The following PRR16 variants were observed in gnomAD, a reference collection of about 807,000 sequenced individuals.
The protein encoded by PRR16 is protein Largen.
A neutral mutation model predicts 18.2 loss-of-function variants in PRR16; 6 were observed. The observed-to-expected ratio is 0.33, with a 90% confidence interval of 0.18 to 0.65. The LOEUF (loss-of-function observed/expected upper bound fraction) is 0.65. Ranked by LOEUF, PRR16 falls within the 30% of genes least tolerant of loss-of-function variation. The pLI is 0.74. For missense variants in PRR16, 412 were observed against 376.6 expected (o/e 1.09, Z -0.78); for synonymous variants, 151 against 147.8 (o/e 1.02, Z -0.16).
At chr5:120,663,615 C>T (rs1284212609) in intron 1 of PRR16, among the ~76,000 whole-genome samples, 1 of 152,126 alleles carries the variant, frequency 6.6e-6, no homozygotes, top group African/African-American at 2.4e-5. Flanking sequence ...TACTTTAGCT[C>T]AAGCTAAAAC....
intron 1 of PRR16, among the ~76,000 whole-genome samples, chr5:120,543,657 A>C (rs1751985283): frequency 1.3e-5 from 2 of 152,212 alleles, no homozygotes; most frequent in African/African-American, 4.8e-5. Context: ...AGAAATGTCC[A>C]TATTACTGAT....
intron 1 of PRR16, among the ~76,000 whole-genome samples, chr5:120,475,783 A>G (rs1006347728): frequency 4.6e-5 from 7 of 152,138 alleles, no homozygotes; most frequent in African/African-American, 2.4e-5. Context: ...ATTGCCTACT[A>G]TATGCAGGGT....
chr5:120,787,601 C>T, the PRR16 span, among the ~76,000 whole-genome samples: 5,816 of 152,148 alleles, frequency 0.038, 154 homozygotes, highest in South Asian at 0.075. Context: ...TTGCTCTTAT[C>T]TTGAATGCAT....
intron 1 of PRR16, among the ~76,000 whole-genome samples, chr5:120,522,751 G>A (rs576411436): frequency 3.3e-5 from 5 of 152,020 alleles, no homozygotes; most frequent in African/African-American, 9.6e-5. Flanking sequence ...GACTACAGGC[G>A]CCCGCCACCA....
intron 1 of PRR16, among the ~76,000 whole-genome samples, chr5:120,682,131 T>G (rs967508633): frequency 6.6e-6 from 1 of 152,220 alleles, no homozygotes; most frequent in African/African-American, 2.4e-5. Flanking sequence ...CACAGTGCCC[T>G]TGAGCCAAAA....
At chr5:120,729,951 A>C in the PRR16 span, among the ~76,000 whole-genome samples, 1 of 152,146 alleles carries the variant, frequency 6.6e-6, no homozygotes. Flanking sequence ...GTCTCCTCAC[A>C]GTACCTCAAA....
intron 1 of PRR16, among the ~76,000 whole-genome samples, chr5:120,609,800 T>G (rs992626293): frequency 6.6e-6 from 1 of 152,230 alleles, no homozygotes; most frequent in African/African-American, 2.4e-5. Context: ...TTCTCTGGAC[T>G]GTTTCTGGAA....
At chr5:120,606,469 A>C (rs1332866379) in intron 1 of PRR16, among the ~76,000 whole-genome samples, 2 of 152,162 alleles carry the variant, frequency 1.3e-5, no homozygotes, top group Non-Finnish European at 1.5e-5. Flanking sequence ...TATTTCTTTG[A>C]AAATGAAAAT....
At chr5:120,687,962 G>C (rs1757167047), downstream of PRR16, among the ~76,000 whole-genome samples, 1 of 152,160 alleles carries the variant, frequency 6.6e-6, no homozygotes, top group Non-Finnish European at 1.5e-5. Flanking sequence ...GTTATGATGA[G>C]GACAGGTTCC....
At chr5:120,740,382 A>G in the PRR16 span, among the ~76,000 whole-genome samples, 2 of 147,512 alleles carry the variant, frequency 1.4e-5, no homozygotes, top group African/African-American at 5.3e-5. Flanking sequence ...TGGCTAAAAA[A>G]GACTACTTCC....
chr5:120,608,513 A>G (rs1161832859), intron 1 of PRR16, among the ~76,000 whole-genome samples: 3 of 152,198 alleles, frequency 2.0e-5, no homozygotes, highest in African/African-American at 7.2e-5. Flanking sequence ...TGTTCACAAG[A>G]TGATTACTTG....
the PRR16 span, among the ~76,000 whole-genome samples, chr5:120,773,158 A>G: frequency 6.6e-6 from 1 of 152,124 alleles, no homozygotes; most frequent in Non-Finnish European, 1.5e-5. Context: ...TAAGACTCTT[A>G]CCCAGTGTCA....
chr5:120,615,008 T>G (rs1026671586), intron 1 of PRR16, among the ~76,000 whole-genome samples: 1 of 152,148 alleles, frequency 6.6e-6, no homozygotes, highest in Non-Finnish European at 1.5e-5. Flanking sequence ...CAGTAAAGAT[T>G]CTGACATGCA....
the PRR16 span, among the ~76,000 whole-genome samples, chr5:120,759,052 C>A: frequency 6.9e-6 from 1 of 145,720 alleles, no homozygotes; most frequent in African/African-American, 2.5e-5. Context: ...TCTCAGCTCA[C>A]TGCAAGCTCT....
the PRR16 span, among the ~76,000 whole-genome samples, chr5:120,770,257 A>C: frequency 6.6e-6 from 1 of 151,932 alleles, no homozygotes; most frequent in African/African-American, 2.4e-5. Context: ...CACATAAGCC[A>C]GTAGAACAGA....
intron 1 of PRR16, among the ~76,000 whole-genome samples, chr5:120,525,296 T>G (rs966300673): frequency 6.6e-6 from 1 of 152,138 alleles, no homozygotes; most frequent in Non-Finnish European, 1.5e-5. Context: ...TAGGCTACAT[T>G]ACATGGACAC....
At chr5:120,664,286 G>A (rs1050019208) in intron 1 of PRR16, among the ~76,000 whole-genome samples, 12 of 149,168 alleles carry the variant, frequency 8.0e-5, no homozygotes, top group African/African-American at 2.5e-4. Flanking sequence ...GAGACAGAGT[G>A]AAACTCTGTC....
chr5:120,785,575 G>GTTTTTTTTTTTTTTTTTTT, the PRR16 span, among the ~76,000 whole-genome samples: 2 of 115,414 alleles, frequency 1.7e-5, no homozygotes, highest in African/African-American at 6.8e-5. Flanking sequence ...TGTTGTTGTT[G>GTTTTTTTTTTTTTTTTTTT]TTTTTTTTTT....
chr5:120,483,285 G>C (rs1749681648), intron 1 of PRR16, among the ~76,000 whole-genome samples: 1 of 152,098 alleles, frequency 6.6e-6, no homozygotes, highest in African/African-American at 2.4e-5. Context: ...GTATCCCCAA[G>C]TGAAATGCAA....
Sources: gnomAD v4.1 joint callset for allele counts (sites outside exome capture counted in the v4.1 genomes callset) on GRCh38, gnomAD v4.1.1 for gene constraint, MANE v1.5 for transcripts, NCBI Gene and HGNC (gene_info 2026-07-23, HGNC 2026-07-21) for gene names.